The following PPP6R3 variants were observed in gnomAD, a reference collection of about 807,000 sequenced individuals.
The protein encoded by PPP6R3 is serine/threonine-protein phosphatase 6 regulatory subunit 3.
PPP6R3 carries 38 observed loss-of-function variants against 110.7 expected under a neutral mutation model. The ratio of observed to expected loss-of-function variants is 0.34; its 90% CI spans 0.26 to 0.45. The LOEUF (loss-of-function observed/expected upper bound fraction) is 0.45, where lower values mean the gene tolerates loss of function less well. Among genes scored for constraint, PPP6R3 ranks in the 20% least tolerant of loss-of-function variants. The pLI is 1.00. For missense variants in PPP6R3, 870 were observed against 1,062.4 expected, an observed-to-expected ratio of 0.82 and a Z score of 2.52; for synonymous variants, 369 against 373.5, an observed-to-expected ratio of 0.99 and a Z score of 0.14.
rs1261456383 is a variant in PPP6R3 at position 68,545,560 on chromosome 11, T to TTGA, written c.414+536_414+537insTGA. On this transcript the variant is annotated intron_variant, in intron 4 of 23. Transcript: ENST00000393800. ...CTGTGTACATTTGCAGCTGTGCTGTTCCTATCCAGTGTGGTTTGACAGAAA... is the reference window on the plus strand; with the variant it reads ...CTGTGTACATTTGCAGCTGTGCTGTTTGACCTATCCAGTGTGGTTTGACAGAAA... Among the ~76,000 whole-genome samples, 334 of 152,362 alleles carry TTGA rather than the reference T, an allele frequency of 2.2e-3. 2 individuals are homozygous for TTGA. Among genetic ancestry groups the TTGA allele is most frequent in the African/African-American group, 7.6e-3 (316 of 41,592 alleles).
chr11:68,486,640 G>T (rs1046161986), intron 1 of PPP6R3, among the ~76,000 whole-genome samples: 9 of 149,768 alleles, frequency 6.0e-5, no homozygotes, highest in Non-Finnish European at 1.2e-4. Flanking sequence ...TCCGTCTGCT[G>T]CTTTCTATTT....
intron 7 of PPP6R3, among the ~76,000 whole-genome samples, chr11:68,554,511 T>A (rs760749236): frequency 6.6e-6 from 1 of 152,254 alleles, no homozygotes; most frequent in Admixed American, 6.5e-5. Flanking sequence ...AGAGCCATCC[T>A]AAGATGTGGT....
intron 23 of PPP6R3, 98 bp from the exon 24 acceptor site, chr11:68,612,968 A>C: frequency 1.3e-6 from 2 of 1,577,586 alleles, no homozygotes. Flanking sequence ...AACAATGTTA[A>C]AATAAGTTGT....
chr11:68,489,467 T>A (rs2098969437), intron 1 of PPP6R3, among the ~76,000 whole-genome samples: 1 of 152,120 alleles, frequency 6.6e-6, no homozygotes, highest in Non-Finnish European at 1.5e-5. Context: ...CACTTTCAAA[T>A]AACACTACAG....
intron 3 of PPP6R3, among the ~76,000 whole-genome samples, chr11:68,541,343 AT>A (rs2099314230): frequency 6.6e-6 from 1 of 152,194 alleles, no homozygotes. Context: ...GGCTGCAGTG[AT>A]CAGCAGAGAA....
At chr11:68,545,618 C>A (rs775040388) in intron 4 of PPP6R3, among the ~76,000 whole-genome samples, 1 of 152,216 alleles carries the variant, frequency 6.6e-6, no homozygotes, top group Non-Finnish European at 1.5e-5. Flanking sequence ...GGTCCCTGAA[C>A]CAGCAGCCCC....
chr11:68,600,609 C>A, intron 20 of PPP6R3, 115 bp downstream of exon 20: 2 of 1,204,250 alleles, frequency 1.7e-6, no homozygotes, highest in Non-Finnish European at 2.3e-6. Context: ...AATATACTGC[C>A]CTGAAAAAGA....
chr11:68,558,217 C>G (rs945477264), intron 7 of PPP6R3: 2 of 164,714 alleles, frequency 1.2e-5, no homozygotes, highest in African/African-American at 2.4e-5. Flanking sequence ...CACCCCCAGC[C>G]CCAGTCATCA....
chr11:68,591,818 G>T (rs2099596236), intron 18 of PPP6R3, 112 bp downstream of exon 18: 3 of 1,246,442 alleles, frequency 2.4e-6, no homozygotes, highest in Non-Finnish European at 2.1e-6. Flanking sequence ...AGAAACCAGT[G>T]TTTTTTTTTG....
intron 1 of PPP6R3, among the ~76,000 whole-genome samples, chr11:68,474,069 G>T (rs1395527870): frequency 6.8e-6 from 1 of 146,764 alleles, no homozygotes; most frequent in Non-Finnish European, 1.5e-5. Flanking sequence ...TTGAGACAAG[G>T]TCTTGCTCTG....
intron 14 of PPP6R3, among the ~76,000 whole-genome samples, chr11:68,582,839 G>A (rs1449962585): frequency 3.3e-5 from 5 of 152,246 alleles, no homozygotes; most frequent in Non-Finnish European, 5.9e-5. Context: ...CTAGAAGGGA[G>A]TGGCAGGGCA....
chr11:68,566,980 A>C (rs2099475709), intron 9 of PPP6R3, 34 bp from the exon 10 acceptor site: 4 of 1,530,438 alleles, frequency 2.6e-6, no homozygotes, highest in Non-Finnish European at 2.6e-6. Flanking sequence ...TGTTCATTTA[A>C]CTGAATTTAA....
intron 2 of PPP6R3, among the ~76,000 whole-genome samples, chr11:68,529,762 T>C (rs2099226200): frequency 6.6e-6 from 1 of 152,230 alleles, no homozygotes. Flanking sequence ...ATACATGATA[T>C]CTCCTGTATA....
At chr11:68,498,665 A>C (rs2099032137) in intron 1 of PPP6R3, among the ~76,000 whole-genome samples, 1 of 152,206 alleles carries the variant, frequency 6.6e-6, no homozygotes, top group African/African-American at 2.4e-5. Flanking sequence ...CATTGCATAC[A>C]GTTGATTATT....
At chr11:68,547,696 A>G (rs777032992) in intron 4 of PPP6R3, among the ~76,000 whole-genome samples, 1 of 152,230 alleles carries the variant, frequency 6.6e-6, no homozygotes, top group Non-Finnish European at 1.5e-5. Context: ...TTAGTGCAAA[A>G]TCTAACAGAC....
intron 17 of PPP6R3, 85 bp downstream of exon 17, chr11:68,590,799 A>T: frequency 1.4e-6 from 2 of 1,388,994 alleles, no homozygotes; most frequent in South Asian, 1.7e-5. Flanking sequence ...ACATGCTGGG[A>T]CCCCTGTGCT....
At chr11:68,533,793 G>A (rs1286799360) in intron 2 of PPP6R3, among the ~76,000 whole-genome samples, 3 of 149,482 alleles carry the variant, frequency 2.0e-5, no homozygotes, top group Admixed American at 2.0e-4. Context: ...TAAATCTCAA[G>A]TTTAAAATCA....
At position 68,562,548 on chromosome 11, in the gene PPP6R3, G is replaced by A. The variant is rs1022986899; in HGVS notation, c.846-1755G>A. ...ATACAAAGCGACAGCAATCAGGACA[G>A]TGTGGTGAAAGAATAGACATACAGA... is the stretch of plus-strand genomic sequence containing the variant. On this transcript the variant is annotated intron_variant, in intron 8 of 23. Coordinates refer to ENST00000393800, the MANE Select transcript of PPP6R3 (RefSeq NM_001164161.2). Among the ~76,000 whole-genome samples the A allele has an allele frequency of 2.6e-5, 4 of 152,342 alleles. No individual in the cohort carries two copies. In the South Asian group the frequency reaches 8.3e-4, roughly 32 times the overall value.
chr11:68,573,376 C>G (rs2099517995), intron 12 of PPP6R3, among the ~76,000 whole-genome samples: 1 of 151,720 alleles, frequency 6.6e-6, no homozygotes, highest in South Asian at 2.1e-4. Flanking sequence ...GTCTCAAACT[C>G]CTGACCTCAA....
Sources: gnomAD v4.1 joint callset for allele counts (sites outside exome capture counted in the v4.1 genomes callset) on GRCh38, gnomAD v4.1.1 for gene constraint, MANE v1.5 for transcripts, NCBI Gene and HGNC (gene_info 2026-07-23, HGNC 2026-07-21) for gene names.